Variants in NKAIN3 observed in about 807,000 individuals in gnomAD.
NKAIN3 encodes sodium/potassium-transporting ATPase subunit beta-1-interacting protein 3.
Under a neutral mutation model 30.2 loss-of-function variants are expected in NKAIN3, and 25 were observed. The observed-to-expected ratio is 0.83, with a 90% CI of 0.60 to 1.16. The LOEUF (loss-of-function observed/expected upper bound fraction) is 1.16. Ranked by LOEUF, NKAIN3 falls within the 50% of genes most tolerant of loss-of-function variation. The pLI, the probability that NKAIN3 is intolerant of heterozygous loss-of-function variation, is 0.00. For missense variants in NKAIN3, 225 were observed against 254.1 expected (o/e 0.89, Z 0.78); for synonymous variants, 91 against 89.6 (o/e 1.02, Z -0.09).
At chr8:62,919,524 C>T (rs1189521033) in intron 5 of NKAIN3, among the ~76,000 whole-genome samples, 5 of 151,970 alleles carry the variant, frequency 3.3e-5, no homozygotes, top group Admixed American at 6.6e-5. Context: ...GGATTACAGG[C>T]GTCAGCCACC....
intron 1 of NKAIN3, among the ~76,000 whole-genome samples, chr8:62,318,716 T>G (rs995408350): frequency 6.6e-5 from 10 of 152,302 alleles, no homozygotes; most frequent in South Asian, 2.1e-4. Flanking sequence ...TTTTTGATGT[T>G]CTGCTGGATT....
intron 3 of NKAIN3, among the ~76,000 whole-genome samples, chr8:62,603,473 T>C (rs939807443): frequency 5.3e-5 from 8 of 152,128 alleles, no homozygotes; most frequent in Non-Finnish European, 1.2e-4. Flanking sequence ...CCACGTATGT[T>C]ACAGAGGCAA....
intron 3 of NKAIN3, among the ~76,000 whole-genome samples, chr8:62,710,957 G>A (rs1172918444): frequency 6.6e-6 from 1 of 152,082 alleles, no homozygotes; most frequent in Non-Finnish European, 1.5e-5. Context: ...TTCAGCATTT[G>A]TTTGTTTGAA....
chr8:62,771,234 A>C (rs947586834), intron 4 of NKAIN3, among the ~76,000 whole-genome samples: 1 of 152,164 alleles, frequency 6.6e-6, no homozygotes, highest in Non-Finnish European at 1.5e-5. Flanking sequence ...TCAAGACCAA[A>C]CAGGGCAAGA....
At chr8:62,667,647 C>T (rs557690375) in intron 3 of NKAIN3, among the ~76,000 whole-genome samples, 2 of 152,150 alleles carry the variant, frequency 1.3e-5, no homozygotes, top group Admixed American at 6.6e-5. Context: ...CCTCCAGCTT[C>T]CATGCTCGCC....
chr8:62,609,406 C>T (rs1811220421), intron 3 of NKAIN3, among the ~76,000 whole-genome samples: 2 of 152,212 alleles, frequency 1.3e-5, no homozygotes, highest in Admixed American at 1.3e-4. Flanking sequence ...ACAATCTTTT[C>T]AGTGATTTTG....
At chr8:62,527,463 TG>T (rs1226781202) in intron 1 of NKAIN3, among the ~76,000 whole-genome samples, 1 of 152,136 alleles carries the variant, frequency 6.6e-6, no homozygotes, top group Non-Finnish European at 1.5e-5. Flanking sequence ...AAAATAATAA[TG>T]GATATAGGGC....
chr8:62,289,320 G>A (rs1196355396), intron 1 of NKAIN3, among the ~76,000 whole-genome samples: 2 of 152,166 alleles, frequency 1.3e-5, no homozygotes, highest in African/African-American at 4.8e-5. Flanking sequence ...CCTTGCCCAT[G>A]CCTATGTCCT....
intron 4 of NKAIN3, among the ~76,000 whole-genome samples, chr8:62,786,968 A>C (rs1215599203): frequency 6.6e-6 from 1 of 152,162 alleles, no homozygotes; most frequent in African/African-American, 2.4e-5. Context: ...GAGGCAGGAC[A>C]ATGGGAAACC....
chr8:62,359,903 G>A (rs1358217986), intron 1 of NKAIN3, among the ~76,000 whole-genome samples: 1 of 152,238 alleles, frequency 6.6e-6, no homozygotes, highest in African/African-American at 2.4e-5. Flanking sequence ...TGAGGGGACA[G>A]AGGTTGATTT....
At chr8:62,930,307 G>A (rs560540573) in intron 5 of NKAIN3, among the ~76,000 whole-genome samples, 2 of 151,946 alleles carry the variant, frequency 1.3e-5, no homozygotes, top group Non-Finnish European at 2.9e-5. Flanking sequence ...AGGCTGGAGT[G>A]TGATGGTGCG....
At chr8:62,994,514 A>T (rs1011737343) in intron 5 of NKAIN3, among the ~76,000 whole-genome samples, 1 of 152,172 alleles carries the variant, frequency 6.6e-6, no homozygotes, top group Admixed American at 6.5e-5. Flanking sequence ...AAGGAAGGAG[A>T]CATTTTAGGC....
At chr8:62,572,261 A>G (rs1224367995) in intron 1 of NKAIN3, among the ~76,000 whole-genome samples, 2 of 152,200 alleles carry the variant, frequency 1.3e-5, no homozygotes, top group African/African-American at 4.8e-5. Context: ...TTGCTTAAAC[A>G]TAACAAGAGT....
chr8:62,250,259 C>T (rs939252115), intron 1 of NKAIN3, among the ~76,000 whole-genome samples: 1 of 152,044 alleles, frequency 6.6e-6, no homozygotes, highest in African/African-American at 2.4e-5. Context: ...TTTCTCTTGC[C>T]TCAGTGTTCC....
chr8:62,891,023 G>A (rs1353448393), intron 4 of NKAIN3, among the ~76,000 whole-genome samples: 2 of 152,166 alleles, frequency 1.3e-5, no homozygotes, highest in South Asian at 4.1e-4. Flanking sequence ...CCTTCTGAAG[G>A]CCAATGGGCA....
At chr8:62,750,727 A>G (rs1293950235) in intron 4 of NKAIN3, among the ~76,000 whole-genome samples, 1 of 152,148 alleles carries the variant, frequency 6.6e-6, no homozygotes, top group Non-Finnish European at 1.5e-5. Flanking sequence ...TGTCAGCAAC[A>G]CCAAGGTGAA....
At chr8:62,863,770 G>C in intron 4 of NKAIN3, 1 of 1,610,966 alleles carries the variant, frequency 6.2e-7, no homozygotes, top group Non-Finnish European at 8.5e-7. Flanking sequence ...AGCACAGCCA[G>C]ACAGTAGAGA....
intron 3 of NKAIN3, among the ~76,000 whole-genome samples, chr8:62,608,939 T>G (rs1811205718): frequency 6.6e-6 from 1 of 152,126 alleles, no homozygotes; most frequent in Non-Finnish European, 1.5e-5. Context: ...TGTGTTTGAG[T>G]GTTTGACTAA....
At chr8:62,871,655 G>T (rs1472135066) in intron 4 of NKAIN3, among the ~76,000 whole-genome samples, 2 of 152,222 alleles carry the variant, frequency 1.3e-5, no homozygotes, top group East Asian at 3.8e-4. Flanking sequence ...CCAAGCCCAA[G>T]GAAGAATGTG....
Sources: gnomAD v4.1 joint callset for allele counts (sites outside exome capture counted in the v4.1 genomes callset) on GRCh38, gnomAD v4.1.1 for gene constraint, MANE v1.5 for transcripts, NCBI Gene and HGNC (gene_info 2026-07-23, HGNC 2026-07-21) for gene names.